Variants in PATJ observed in about 807,000 individuals in gnomAD.
The protein encoded by PATJ is inaD-like protein.
Under a neutral mutation model 224.9 loss-of-function variants are expected in PATJ, and 190 were observed. The ratio of observed to expected loss-of-function variants is 0.84; its 90% CI spans 0.75 to 0.95. PATJ has a LOEUF of 0.95. PATJ is among the 40% of genes least tolerant of loss of function. The probability of loss-of-function intolerance (pLI) is 0.00; values close to 1 mark genes in which losing one functional copy is unlikely to be tolerated. For synonymous variants in PATJ, 769 were observed against 820.3 expected, an observed-to-expected ratio of 0.94 and a Z score of 1.07; for missense variants, 2,121 against 2,270.3, an observed-to-expected ratio of 0.93 and a Z score of 1.34.
intron 42 of PATJ, among the ~76,000 whole-genome samples, chr1:62,149,529 AAAGTT>A (rs1327433384): frequency 1.3e-5 from 2 of 152,140 alleles, no homozygotes; most frequent in African/African-American, 4.8e-5. Flanking sequence ...TCTCATTATA[AAAGTT>A]AATACATGCA....
intron 28 of PATJ, among the ~76,000 whole-genome samples, chr1:62,004,683 T>A (rs1645986065): frequency 6.6e-6 from 1 of 152,206 alleles, no homozygotes; most frequent in African/African-American, 2.4e-5. Context: ...AGACAAGTAA[T>A]GTATTAGGCA....
intron 4 of PATJ, 72 bp downstream of exon 4, chr1:61,766,545 C>A: frequency 9.5e-7 from 1 of 1,053,154 alleles, no homozygotes; most frequent in Non-Finnish European, 1.4e-6. Flanking sequence ...GGAGCTTATA[C>A]TCATTCTTTT....
chr1:62,074,467 T>C (rs1477343031), intron 31 of PATJ, among the ~76,000 whole-genome samples: 2 of 152,064 alleles, frequency 1.3e-5, no homozygotes, highest in Non-Finnish European at 2.9e-5. Flanking sequence ...AGGGTCTTAC[T>C]CTGTTACCCA....
At chr1:62,008,769 ATAAG>A (rs1646253721) in intron 28 of PATJ, among the ~76,000 whole-genome samples, 1 of 152,180 alleles carries the variant, frequency 6.6e-6, no homozygotes, top group South Asian at 2.1e-4. Flanking sequence ...AAATAAATAA[ATAAG>A]TAATTGGAAC....
chr1:61,917,156 T>C (rs1233493694), intron 26 of PATJ, among the ~76,000 whole-genome samples: 3 of 152,308 alleles, frequency 2.0e-5, no homozygotes, highest in South Asian at 4.1e-4. Context: ...GTAGGGGGTT[T>C]GTTTTGGAAA....
intron 31 of PATJ, among the ~76,000 whole-genome samples, chr1:62,051,471 C>T (rs571363710): frequency 3.9e-5 from 6 of 152,052 alleles, no homozygotes; most frequent in Non-Finnish European, 8.8e-5. Context: ...GGACTACAGG[C>T]GCACACCACC....
intron 26 of PATJ, among the ~76,000 whole-genome samples, chr1:61,916,888 C>G (rs1314863356): frequency 6.6e-6 from 1 of 152,182 alleles, no homozygotes; most frequent in Non-Finnish European, 1.5e-5. Flanking sequence ...TGTGCTGAGT[C>G]AGTTCCTTGG....
chr1:61,785,632 G>C (rs986375055), intron 7 of PATJ, among the ~76,000 whole-genome samples: 1 of 151,880 alleles, frequency 6.6e-6, no homozygotes, highest in Admixed American at 6.6e-5. Context: ...TTAACATTGT[G>C]GTATCTTTAA....
At chr1:61,862,202 T>C (rs2148943708) in intron 19 of PATJ, among the ~76,000 whole-genome samples, 1 of 151,708 alleles carries the variant, frequency 6.6e-6, no homozygotes, top group African/African-American at 2.4e-5. Flanking sequence ...TTGTTGTTGT[T>C]ATTTTGTTTT....
chr1:61,839,166 A>C (rs1424936574), intron 17 of PATJ, among the ~76,000 whole-genome samples: 1 of 151,876 alleles, frequency 6.6e-6, no homozygotes, highest in African/African-American at 2.4e-5. Flanking sequence ...TAACCATCAT[A>C]CTATACTGCT....
At position 61,914,576 on chromosome 1, in the gene PATJ, T is replaced by G. The variant is rs1475974950; in HGVS notation, c.3493-11T>G. On this transcript the variant is annotated splice_polypyrimidine_tract_variant and intron_variant, in intron 25 of 43. Coordinates refer to ENST00000642238, the MANE Select transcript of PATJ (RefSeq NM_001350145.3). The stretch of plus-strand genomic sequence containing the variant: ...GTTTTCTTCCCCCCACCCCTTTTTT[T>G]GTCACCATAGGTCATTCCTAACGTA... 1.4e-6 allele frequency: 2 copies of G among 1,380,958 alleles called. No individual in the cohort carries two copies. The highest frequency in any genetic ancestry group is 4.1e-5 in the Admixed American group (2 of 48,686). The allele number at this position is 1,380,958 out of a possible 1,614,324, so 85.5% of individuals were successfully genotyped here.
chr1:61,793,205 CTGGGACTA>C (rs1222898786), intron 9 of PATJ, among the ~76,000 whole-genome samples: 1 of 152,088 alleles, frequency 6.6e-6, no homozygotes, highest in African/African-American at 2.4e-5. Context: ...TCCCCAGTAG[CTGGGACTA>C]TGGGTGCGCA....
intron 18 of PATJ, among the ~76,000 whole-genome samples, chr1:61,857,734 A>C (rs1274978542): frequency 1.3e-5 from 2 of 152,188 alleles, no homozygotes; most frequent in Admixed American, 1.3e-4. Context: ...AGTAATTCTG[A>C]TATGCTCTTC....
intron 27 of PATJ, among the ~76,000 whole-genome samples, chr1:61,947,520 C>A (rs1289775876): frequency 2.0e-5 from 3 of 152,074 alleles, no homozygotes; most frequent in African/African-American, 4.8e-5. Flanking sequence ...ATGTGAAGGA[C>A]CTCTTCAAGG....
chr1:61,929,625 A>G (rs1675721437), intron 27 of PATJ, among the ~76,000 whole-genome samples: 1 of 152,236 alleles, frequency 6.6e-6, no homozygotes, highest in African/African-American at 2.4e-5. Flanking sequence ...AAAGTTAGAC[A>G]GCTAACAAAT....
intron 1 of PATJ, among the ~76,000 whole-genome samples, chr1:61,762,615 C>T (rs1390437027): frequency 1.3e-5 from 2 of 152,108 alleles, no homozygotes; most frequent in Non-Finnish European, 2.9e-5. Flanking sequence ...TTACGTTTCT[C>T]TTAGCAATGT....
chr1:62,121,792 T>A (rs1400574754), intron 38 of PATJ, among the ~76,000 whole-genome samples: 1 of 88,258 alleles, frequency 1.1e-5, no homozygotes, highest in Non-Finnish European at 2.3e-5. Flanking sequence ...AAAAAAGAAA[T>A]TCCTTCAGTG....
intron 27 of PATJ, among the ~76,000 whole-genome samples, chr1:61,972,193 C>A (rs1428682551): frequency 6.6e-6 from 1 of 151,810 alleles, no homozygotes; most frequent in Non-Finnish European, 1.5e-5. Flanking sequence ...ATACCCAGAG[C>A]CTGAGCATAA....
At chr1:61,906,513 C>T (rs748303751) in intron 24 of PATJ, among the ~76,000 whole-genome samples, 8 of 152,168 alleles carry the variant, frequency 5.3e-5, no homozygotes, top group Non-Finnish European at 1.0e-4. Flanking sequence ...CAGGAAATTC[C>T]AAGGGTACTC....
Sources: gnomAD v4.1 joint callset for allele counts (sites outside exome capture counted in the v4.1 genomes callset) on GRCh38, gnomAD v4.1.1 for gene constraint, MANE v1.5 for transcripts, NCBI Gene and HGNC (gene_info 2026-07-23, HGNC 2026-07-21) for gene names.